The following PHACTR2 variants were observed in gnomAD, a reference collection of about 807,000 sequenced individuals.
PHACTR2 encodes chromosome 6 open reading frame 56.
A neutral mutation model predicts 76.0 loss-of-function variants in PHACTR2; 30 were observed. That is an observed-to-expected ratio of 0.39 (90% CI 0.30 to 0.54). The LOEUF is 0.54. Among genes scored for constraint, PHACTR2 ranks in the 20% least tolerant of loss-of-function variants. The pLI is 0.61. For missense variants in PHACTR2, 696 were observed against 781.1 expected (o/e 0.89, Z 1.30); for synonymous variants, 292 against 292.5 (o/e 1.00, Z 0.02).
chr6:143,745,346 A>T (rs1779035536), intron 2 of PHACTR2, among the ~76,000 whole-genome samples: 1 of 152,184 alleles, frequency 6.6e-6, no homozygotes, highest in Non-Finnish European at 1.5e-5. Context: ...AGTTACAGGG[A>T]GTGCGATTTG....
In PHACTR2 at chr6:143,765,110, A is replaced by C; in HGVS notation, c.695-151A>C. 1 of 643,278 alleles carries C rather than the reference A, an allele frequency of 1.6e-6. No individual in the cohort carries two copies. Among genetic ancestry groups the C allele is most frequent in the Non-Finnish European group, 2.7e-6 (1 of 375,112 alleles). The allele number at this position is 643,278 out of a possible 1,614,324, so 39.8% of individuals were successfully genotyped here. On this transcript the variant is annotated intron_variant, in intron 5 of 12. Coordinates refer to ENST00000440869, the MANE Select transcript of PHACTR2 (RefSeq NM_001100164.2). This position sits in a 1 kb window ranked among gnomAD's most constrained non-coding sequence, Gnocchi z 4.1. Reference sequence around the variant, plus strand: ...GAAGGGAGGGGCAGAAGACAAGACTATTATCATGATTAGCCTATTTTCTCT... The same window carrying C: ...GAAGGGAGGGGCAGAAGACAAGACTCTTATCATGATTAGCCTATTTTCTCT...
rs761684071 is a variant in PHACTR2, at chr6:143,782,766, A to G, written c.1646-453A>G. ...GTGGAAATCAGCAGCTCAGACATGC[A>G]TCGGATGGTTCTAATTTGCTCTTTT... On this transcript the variant is annotated intron_variant, in intron 9 of 12. Transcript: ENST00000440869. The surrounding 1 kb of genome is among the most constrained non-coding windows in gnomAD (Gnocchi z 4.6). Among the ~76,000 whole-genome samples, 1 of 152,208 alleles carries G rather than the reference A, an allele frequency of 6.6e-6. No individual in the cohort carries two copies. Among genetic ancestry groups the G allele is most frequent in the Non-Finnish European group, 1.5e-5 (1 of 68,020 alleles).
At chr6:143,564,196 C>CATATATATATATATATATAT (rs59017997) in intron 1 of PHACTR2, among the ~76,000 whole-genome samples, 1 of 40,282 alleles carries the variant, frequency 2.5e-5, no homozygotes, top group African/African-American at 9.3e-5. Flanking sequence ...TGTGTGTGTG[C>CATATATATATATATATATAT]ATATATATAT....
chr6:143,712,033 G>A lies in PHACTR2; in HGVS notation c.64G>A (p.Ala22Thr), dbSNP rs1490836928. 4 of 1,589,138 alleles carry A rather than the reference G, an allele frequency of 2.5e-6. No individual in the cohort carries two copies. In the East Asian group the frequency reaches 6.8e-5, roughly 27 times the overall value. The stretch of plus-strand genomic sequence containing the variant: ...TTATACAGTTGACGGACTGGACAAA[G>A]CTTCTATAGCAAACTCAGATGGCCC... ...QPGSVDGLDK[A>T]SIANSDGPTA... Residue 22 changes from alanine to threonine, a missense_variant, in exon 2 of 13, where the codon GCT (alanine) becomes ACT (threonine). This residue lies in a region of PHACTR2 where 460 missense variants were observed against 450.9 expected (regional missense o/e 1.02). Coordinates refer to ENST00000440869, the MANE Select transcript of PHACTR2 (RefSeq NM_001100164.2).
chr6:143,690,373 T>C (rs1777616755), intron 1 of PHACTR2, among the ~76,000 whole-genome samples: 2 of 152,188 alleles, frequency 1.3e-5, no homozygotes, highest in African/African-American at 4.8e-5. Context: ...ACTTTCCTCT[T>C]GCATTGAATC....
chr6:143,823,133 T>C lies in PHACTR2; in HGVS notation c.1923-541T>C, dbSNP rs927073571. ...AGGCAGGTTAACAAGGAAAGCTTTG[T>C]ATAGTTGTGGACATGCTTAGTATAT... On this transcript the variant is annotated intron_variant, in intron 12 of 12. Transcript: ENST00000440869. The surrounding 1 kb of genome is among the most constrained non-coding windows in gnomAD (Gnocchi z 5.7). Among the ~76,000 whole-genome samples the C allele has an allele frequency of 6.6e-6, 1 of 152,256 alleles. No homozygotes were observed. Among genetic ancestry groups the C allele is most frequent in the Non-Finnish European group, 1.5e-5 (1 of 68,046 alleles).
intron 4 of PHACTR2, among the ~76,000 whole-genome samples, chr6:143,756,251 G>C (rs1779295102): frequency 6.6e-6 from 1 of 152,110 alleles, no homozygotes; most frequent in African/African-American, 2.4e-5. Context: ...CAGGCCCCCT[G>C]GGCATTTCTG....
At chr6:143,667,631 G>A (rs374471589) in intron 1 of PHACTR2, among the ~76,000 whole-genome samples, 21 of 152,198 alleles carry the variant, frequency 1.4e-4, no homozygotes, top group South Asian at 6.2e-4. Flanking sequence ...TATTCTCTTC[G>A]TAGCAATTGT....
chr6:143,785,780 G>A (rs1775543613), intron 10 of PHACTR2, among the ~76,000 whole-genome samples: 1 of 152,184 alleles, frequency 6.6e-6, no homozygotes, highest in South Asian at 2.1e-4. Flanking sequence ...GGGCTTCCAC[G>A]ATCTGAAGCC....
intron 9 of PHACTR2, among the ~76,000 whole-genome samples, chr6:143,781,176 G>A (rs777117627): frequency 6.6e-5 from 10 of 152,100 alleles, no homozygotes; most frequent in South Asian, 6.2e-4. Context: ...TCTCACCCTC[G>A]TCCTCTAACT....
In PHACTR2 at chr6:143,713,281, AAAT is replaced by A. The variant is rs1258035322; in HGVS notation, c.214+1102_214+1104del. ...ATTTGAGCATTTTATATTTAACAAG[AAAT>A]AATGATAGGCTACCTGGAATTTGTT... On this transcript the variant is annotated intron_variant, in intron 2 of 12. Coordinates refer to ENST00000440869, the MANE Select transcript of PHACTR2 (RefSeq NM_001100164.2). 1.1e-4 allele frequency among the ~76,000 whole-genome samples: 16 copies of A among 152,358 alleles called. No homozygotes were observed. The East Asian group carries it at 3.1e-3, about 29-fold the overall frequency.
In PHACTR2 at chr6:143,671,697, A is replaced by G. The variant is rs1214477010; in HGVS notation, c.14-40319A>G. ...AAAGACTGGTAAAAAGGAGATGCAT[A>G]ATAAATATTTGTTGAGTGGTGAACC... On this transcript the variant is annotated intron_variant, in intron 1 of 11. Transcript: ENST00000305766. This position sits in a 1 kb window ranked among gnomAD's most constrained non-coding sequence, Gnocchi z 4.6. Among the ~76,000 whole-genome samples, 3 of 152,216 alleles carry G rather than the reference A, an allele frequency of 2.0e-5. No homozygotes were observed. Among genetic ancestry groups the G allele is most frequent in the Non-Finnish European group, 2.9e-5 (2 of 68,044 alleles).
rs1404432841 is a variant in PHACTR2, at chr6:143,539,925, A to G, written c.217+2718A>G. Among the ~76,000 whole-genome samples the G allele has an allele frequency of 1.3e-5, 2 of 152,136 alleles. No homozygotes were observed. The highest frequency in any genetic ancestry group is 2.9e-5 in the Non-Finnish European group (2 of 68,022). On this transcript the variant is annotated intron_variant, in intron 1 of 11. Transcript: ENST00000367584. This position sits in a 1 kb window ranked among gnomAD's most constrained non-coding sequence, Gnocchi z 4.3. ...CTGGGTCGCACACCTAGGGATTCTGATTTCATTGGCATCAGGTGCATCCTG... is the reference window on the plus strand; with the variant it reads ...CTGGGTCGCACACCTAGGGATTCTGGTTTCATTGGCATCAGGTGCATCCTG...
Position 143,662,088 on chromosome 6 carries a change from T to G in PHACTR2, c.14-49928T>G, listed in dbSNP as rs1191032702. 6.6e-6 allele frequency among the ~76,000 whole-genome samples: 1 copy of G among 152,168 alleles called. No homozygotes were observed. The highest frequency in any genetic ancestry group is 1.5e-5 in the Non-Finnish European group (1 of 68,028). Reference sequence around the variant, plus strand: ...AGATTAAGTCAGAGCACCTGCAAGCTTCATTGCTCCTCCCCCTTTCTCAGC... The same window carrying G: ...AGATTAAGTCAGAGCACCTGCAAGCGTCATTGCTCCTCCCCCTTTCTCAGC... On this transcript the variant is annotated intron_variant, in intron 1 of 11. Transcript: ENST00000305766. The surrounding 1 kb of genome is among the most constrained non-coding windows in gnomAD (Gnocchi z 4.7).
chr6:143,636,179 A>C (rs976634786), intron 1 of PHACTR2, among the ~76,000 whole-genome samples: 1 of 151,018 alleles, frequency 6.6e-6, no homozygotes, highest in Non-Finnish European at 1.5e-5. Context: ...GTGCCACTGC[A>C]CTCCAGCCTG....
intron 12 of PHACTR2, among the ~76,000 whole-genome samples, chr6:143,812,520 G>A (rs1776200493): frequency 2.0e-5 from 3 of 152,102 alleles, no homozygotes; most frequent in Admixed American, 6.5e-5. Flanking sequence ...TTGGTCTGTA[G>A]TGATGAAGAA....
intron 1 of PHACTR2, among the ~76,000 whole-genome samples, chr6:143,577,713 C>A (rs1476770634): frequency 6.6e-6 from 1 of 151,676 alleles, no homozygotes; most frequent in Admixed American, 6.6e-5. Context: ...TGTTTGGGTA[C>A]CAGTGTGAGA....
At chr6:143,657,829 G>A (rs1196079447) in intron 1 of PHACTR2, among the ~76,000 whole-genome samples, 1 of 152,182 alleles carries the variant, frequency 6.6e-6, no homozygotes, top group Non-Finnish European at 1.5e-5. Context: ...TCTACAGGAA[G>A]GTGGTATCTC....
rs1279967628 is a variant in PHACTR2 at position 143,561,195 on chromosome 6, A to G, written c.217+23988A>G. ...CTGACCTTGGCGGGATGCTTGAACC[A>G]TTCTGCCCTTTCAGAAGGTTCTGCC... On this transcript the variant is annotated intron_variant, in intron 1 of 11. Transcript: ENST00000367584. The surrounding 1 kb of genome is among the most constrained non-coding windows in gnomAD (Gnocchi z 4.1). 1 of 152,252 alleles carries G rather than the reference A, an allele frequency of 6.6e-6. No homozygotes were observed. The highest frequency in any genetic ancestry group is 2.1e-4 in the South Asian group (1 of 4,828). The allele number at this position is 152,252 out of a possible 1,614,324, so 9.4% of individuals were successfully genotyped here.
Sources: allele counts gnomAD v4.1 joint callset (sites outside exome capture counted in the v4.1 genomes callset), GRCh38; gene constraint gnomAD v4.1.1; regional missense constraint gnomAD v4.1.1; non-coding constraint Gnocchi (gnomAD v3.1); transcripts MANE v1.5; gene names NCBI Gene and HGNC (gene_info 2026-07-23, HGNC 2026-07-21).